CREBBP: variants seen among roughly 807,000 people sequenced by gnomAD.
CREBBP encodes the protein CREB binding lysine acetyltransferase, also known as CREB-binding protein.
Under a neutral mutation model 265.0 loss-of-function variants are expected in CREBBP, and 19 were observed. That is an observed-to-expected ratio of 0.07 (90% CI 0.05 to 0.11). The LOEUF (loss-of-function observed/expected upper bound fraction) is 0.11, where lower values mean the gene tolerates loss of function less well. CREBBP is among the 10% of genes least tolerant of loss of function. CREBBP has a pLI of 1.00. For missense variants in CREBBP, 2,525 were observed against 3,219.0 expected (o/e 0.78, Z 5.22); for synonymous variants, 1,457 against 1,223.7 (o/e 1.19, Z -3.98).
intron 2 of CREBBP, chr16:3,812,871 G>A (rs1435343775): frequency 5.2e-6 from 1 of 191,738 alleles, no homozygotes; most frequent in African/African-American, 2.3e-5. Context: ...TCCCCGCATA[G>A]GGAAAACCTC....
At chr16:3,848,385 C>T (rs2054713885) in intron 2 of CREBBP, among the ~76,000 whole-genome samples, 2 of 152,184 alleles carry the variant, frequency 1.3e-5, no homozygotes, top group African/African-American at 4.8e-5. Context: ...GATGTCAAAA[C>T]TATTTCCATA....
intron 2 of CREBBP, among the ~76,000 whole-genome samples, chr16:3,849,828 C>T (rs760778752): frequency 1.3e-5 from 2 of 152,060 alleles, no homozygotes; most frequent in Non-Finnish European, 2.9e-5. Flanking sequence ...CTCTGGGACC[C>T]GAATGCCTGT....
chr16:3,859,985 A>C (rs190848983), intron 1 of CREBBP, among the ~76,000 whole-genome samples: 43 of 152,334 alleles, frequency 2.8e-4, no homozygotes, highest in African/African-American at 9.6e-4. Context: ...AGTCAGAAGC[A>C]CAGGTAAAAC....
At chr16:3,792,904 AG>A (rs1207275701) in intron 4 of CREBBP, among the ~76,000 whole-genome samples, 5 of 152,244 alleles carry the variant, frequency 3.3e-5, no homozygotes, top group African/African-American at 1.2e-4. Flanking sequence ...CCAGTCACCC[AG>A]GACAACTTCG....
intron 1 of CREBBP, among the ~76,000 whole-genome samples, chr16:3,862,011 G>A (rs926631493): frequency 1.3e-5 from 2 of 152,162 alleles, no homozygotes; most frequent in East Asian, 1.9e-4. Context: ...AGAAGGAAGC[G>A]AGTCACTGCT....
At position 3,770,675 on chromosome 16, in the gene CREBBP, C is replaced by T. The variant is rs1416003104; in HGVS notation, c.2775G>A (p.Gln925=). ...CTGGGGTTTGAGGCTGCGGGGTCAC[C>T]TGGGCCTGGGCTGCTGCCTGGACTG... ...TPTVQAAAQA[Q]VTPQPQTPVQ... Residue 925 remains glutamine, a synonymous_variant, in exon 14 of 31, where the codon CAG becomes CAA. Transcript: ENST00000262367. The T allele has an allele frequency of 1.2e-6, 2 of 1,614,014 alleles. No individual in the cohort carries two copies. Among genetic ancestry groups the T allele is most frequent in the East Asian group, 4.5e-5 (2 of 44,878 alleles).
At chr16:3,741,013 T>A (rs182901570) in intron 23 of CREBBP, 11 of 267,744 alleles carry the variant, frequency 4.1e-5, no homozygotes, top group Admixed American at 9.8e-5. Flanking sequence ...AATTAAGCTC[T>A]GGCCAGAGCC....
Position 3,782,936 on chromosome 16 carries a change from CA to C in CREBBP, c.1331-11del. The C allele has an allele frequency of 6.2e-7, 1 of 1,613,608 alleles. No individual in the cohort carries two copies. The highest frequency in any genetic ancestry group is 8.5e-7 in the Non-Finnish European group (1 of 1,179,690). On this transcript the variant is annotated splice_polypyrimidine_tract_variant and intron_variant, in intron 5 of 30. Coordinates refer to ENST00000262367, the MANE Select transcript of CREBBP (RefSeq NM_004380.3). Reference sequence around the variant, plus strand: ...GGAGACCCCAGGATGGCTATAACGACAAACAGACAGACAGACAAAAACGAGA... The same window carrying C: ...GGAGACCCCAGGATGGCTATAACGACAACAGACAGACAGACAAAAACGAGA...
intron 2 of CREBBP, among the ~76,000 whole-genome samples, chr16:3,823,992 A>T (rs1001207671): frequency 2.7e-5 from 4 of 146,174 alleles, no homozygotes; most frequent in African/African-American, 1.0e-4. Flanking sequence ...ACACACACAC[A>T]CTCATCTAGG....
intron 1 of CREBBP, among the ~76,000 whole-genome samples, chr16:3,860,866 C>T (rs190888671): frequency 4.6e-5 from 7 of 152,088 alleles, no homozygotes; most frequent in Non-Finnish European, 7.4e-5. Flanking sequence ...TTAGACACTA[C>T]GGACACAGGA....
chr16:3,821,516 C>G (rs1265018375), intron 2 of CREBBP, among the ~76,000 whole-genome samples: 1 of 152,196 alleles, frequency 6.6e-6, no homozygotes, highest in African/African-American at 2.4e-5. Context: ...AACAGCTAAT[C>G]TGAGGCAAAA....
At chr16:3,859,531 G>A (rs554155608) in intron 1 of CREBBP, among the ~76,000 whole-genome samples, 1 of 152,304 alleles carries the variant, frequency 6.6e-6, no homozygotes, top group East Asian at 1.9e-4. Flanking sequence ...TTGACTGATG[G>A]CTGGCAGCTC....
chr16:3,806,589 G>A (rs1487933426), intron 3 of CREBBP, among the ~76,000 whole-genome samples: 3 of 152,040 alleles, frequency 2.0e-5, no homozygotes, highest in Non-Finnish European at 4.4e-5. Flanking sequence ...ACTTCTACAC[G>A]GCATTTTGTG....
chr16:3,877,237 C>T (rs2055421498), intron 1 of CREBBP, among the ~76,000 whole-genome samples: 1 of 152,172 alleles, frequency 6.6e-6, no homozygotes. Flanking sequence ...AGATTGAGTT[C>T]CTCAAGAATG....
chr16:3,831,856 G>A (rs544332251), intron 2 of CREBBP, among the ~76,000 whole-genome samples: 9 of 152,086 alleles, frequency 5.9e-5, no homozygotes, highest in Non-Finnish European at 1.2e-4. Flanking sequence ...ACTTAGCCAG[G>A]CATGGTGGTG....
At chr16:3,832,392 C>T (rs979895042) in intron 2 of CREBBP, among the ~76,000 whole-genome samples, 3 of 152,102 alleles carry the variant, frequency 2.0e-5, no homozygotes, top group Non-Finnish European at 4.4e-5. Flanking sequence ...AAGTTATAGA[C>T]CCATATCACT....
intron 17 of CREBBP, among the ~76,000 whole-genome samples, chr16:3,758,317 AAAAAATTTT>A (rs1229668103): frequency 3.3e-5 from 5 of 152,262 alleles, no homozygotes; most frequent in Non-Finnish European, 7.3e-5. Flanking sequence ...TACTTCTAAC[AAAAAATTTT>A]AAAAATAGAT....
chr16:3,734,845 A>G (rs2052010312), intron 28 of CREBBP, among the ~76,000 whole-genome samples: 2 of 152,122 alleles, frequency 1.3e-5, no homozygotes, highest in African/African-American at 4.8e-5. Flanking sequence ...CACCCACCTC[A>G]CAGACGTGCT....
Position 3,850,223 on chromosome 16 carries a change from C to T in CREBBP, c.798+74G>A, listed in dbSNP as rs542242758. 312 of 1,498,584 alleles carry T rather than the reference C, an allele frequency of 2.1e-4. 1 individual carries two copies. The African/African-American group carries it at 4.0e-3, about 19-fold the overall frequency. The allele number at this position is 1,498,584 out of a possible 1,614,324, so 92.8% of individuals were successfully genotyped here. The stretch of plus-strand genomic sequence containing the variant: ...GAAAAACAGGAGTGGGCCACGTGGT[C>T]CCATTTTACGCATTACTCGGAGGGA... On this transcript the variant is annotated intron_variant, in intron 2 of 30. Transcript: ENST00000262367.
Sources: allele counts gnomAD v4.1 joint callset (sites outside exome capture counted in the v4.1 genomes callset), GRCh38; gene constraint gnomAD v4.1.1; transcripts MANE v1.5; gene names NCBI Gene and HGNC (gene_info 2026-07-23, HGNC 2026-07-21).